The following NIPA2 variants were observed in gnomAD, a reference collection of about 807,000 sequenced individuals.
NIPA2 encodes the protein magnesium transporter NIPA2.
NIPA2 carries 11 observed loss-of-function variants against 29.7 expected under a neutral mutation model. The ratio of observed to expected loss-of-function variants is 0.37; its 90% confidence interval spans 0.23 to 0.61. The LOEUF is 0.61. Ranked by LOEUF, NIPA2 falls within the 20% of genes least tolerant of loss-of-function variation. The probability of loss-of-function intolerance (pLI) is 0.66; values close to 1 mark genes in which losing one functional copy is unlikely to be tolerated. For synonymous variants in NIPA2, 183 were observed against 161.9 expected (o/e 1.13, Z -0.99); for missense variants, 426 against 437.9 (o/e 0.97, Z 0.24).
intron 7 of NIPA2, among the ~76,000 whole-genome samples, chr15:22,862,560 GTTT>G (rs1283829259): frequency 6.6e-6 from 1 of 151,958 alleles, no homozygotes; most frequent in Non-Finnish European, 1.5e-5. Context: ...GCCCTTCTGA[GTTT>G]TTATTTCTGC....
chr15:22,843,958 A>G (rs951964638), intron 2 of NIPA2, among the ~76,000 whole-genome samples: 6 of 152,206 alleles, frequency 3.9e-5, no homozygotes, highest in Non-Finnish European at 7.4e-5. Flanking sequence ...CGGCCTCCCA[A>G]GGTGCTGGGG....
intron 7 of NIPA2, among the ~76,000 whole-genome samples, chr15:22,864,257 C>G (rs2058818745): frequency 6.6e-6 from 1 of 151,996 alleles, no homozygotes; most frequent in South Asian, 2.1e-4. Context: ...CGGGTTCACG[C>G]CATTCTCCTG....
chr15:22,863,348 G>A (rs1300633558), intron 7 of NIPA2, among the ~76,000 whole-genome samples: 1 of 151,900 alleles, frequency 6.6e-6, no homozygotes, highest in African/African-American at 2.4e-5. Flanking sequence ...CCTCCCAAAG[G>A]GCTGGGATTA....
Position 22,846,818 on chromosome 15 carries a change from A to AATTAATAATAAT in NIPA2, c.-94+1552_-94+1553insTTAATAATAATA, listed in dbSNP as rs34966379. Among the ~76,000 whole-genome samples, 589 of 135,824 alleles carry AATTAATAATAAT rather than the reference A, an allele frequency of 4.3e-3. 6 individuals are homozygous for AATTAATAATAAT. Among genetic ancestry groups the AATTAATAATAAT allele is most frequent in the Non-Finnish European group, 6.1e-3 (392 of 64,214 alleles). The allele number at this position is 135,824 out of a possible 152,430, so 89.1% of individuals were successfully genotyped here. ...GTGACAGAATGAGACCCTGTCTCCA[A>AATTAATAATAAT]AATAATAATAATAATAATAATAATT... is the stretch of plus-strand genomic sequence containing the variant. On this transcript the variant is annotated intron_variant, in intron 3 of 7. Coordinates refer to ENST00000337451, the MANE Select transcript of NIPA2 (RefSeq NM_030922.7).
Position 22,852,468 on chromosome 15 carries a change from A to T in NIPA2, c.139+598A>T, listed in dbSNP as rs190717219. On this transcript the variant is annotated intron_variant, in intron 4 of 7. Transcript: ENST00000337451. ...TGGGTGACAGAGTGAGACTCCGTCT[A>T]AAAAAAAAAAAAAGCCATGGTTAAA... is the stretch of plus-strand genomic sequence containing the variant. 1.7e-3 allele frequency among the ~76,000 whole-genome samples: 150 copies of T among 90,568 alleles called. 1 individual carries two copies. Among genetic ancestry groups the T allele is most frequent in the African/African-American group, 6.7e-3 (127 of 19,024 alleles). 59.4% of individuals were successfully genotyped at this position (90,568 alleles called of 152,430 possible). A position where few individuals can be genotyped will look rare whatever the true frequency, so the allele number is the denominator to read the frequency against.
At chr15:22,859,709 G>C (rs958372236) in intron 6 of NIPA2, among the ~76,000 whole-genome samples, 4 of 152,034 alleles carry the variant, frequency 2.6e-5, no homozygotes, top group East Asian at 1.9e-4. Context: ...TTGATGTCTG[G>C]ATCTTGGTTA....
intron 7 of NIPA2, among the ~76,000 whole-genome samples, chr15:22,864,842 C>G (rs958199200): frequency 6.8e-6 from 1 of 148,004 alleles, no homozygotes; most frequent in Admixed American, 6.6e-5. Flanking sequence ...TGCTTTCTGA[C>G]TTACGAAGGA....
At position 22,867,446 on chromosome 15, in the gene NIPA2, C is replaced by T. The variant is rs988748643; in HGVS notation, c.*599C>T. On this transcript the variant is annotated 3_prime_UTR_variant, in exon 8 of 8. Coordinates refer to ENST00000337451, the MANE Select transcript of NIPA2 (RefSeq NM_030922.7). ...CGATTTCTCAGGTTGAGATGATCAC[C>T]GTGAATCCGGCTTCCTCTGAGCATT... 3.1e-5 allele frequency: 11 copies of T among 353,488 alleles called. No individual in the cohort carries two copies. The highest frequency in any genetic ancestry group is 8.4e-5 in the African/African-American group (4 of 47,618). 21.9% of individuals were successfully genotyped at this position (353,488 alleles called of 1,614,324 possible).
chr15:22,841,425 C>T (rs76093793), intron 2 of NIPA2, among the ~76,000 whole-genome samples: 3,968 of 152,266 alleles, frequency 0.026, 159 homozygotes, highest in African/African-American at 0.091. Context: ...AAATTATGAT[C>T]TGGCCAAATA....
At chr15:22,851,984 G>A in intron 4 of NIPA2, 114 bp downstream of exon 4, 1 of 858,644 alleles carries the variant, frequency 1.2e-6, no homozygotes, top group Non-Finnish European at 1.8e-6. Context: ...ACTTTGAATT[G>A]TTCAAGAGTT....
intron 5 of NIPA2, among the ~76,000 whole-genome samples, chr15:22,854,204 T>C (rs1481881727): frequency 6.6e-6 from 1 of 151,788 alleles, no homozygotes; most frequent in Non-Finnish European, 1.5e-5. Context: ...CTTGGCTCAC[T>C]GCAACCTCTG....
Position 22,866,575 on chromosome 15 carries a change from T to C in NIPA2, c.811T>C (p.Trp271Arg), listed in dbSNP as rs750718738. The C allele has an allele frequency of 6.2e-7, 1 of 1,614,160 alleles. No homozygotes were observed. Residue 271 changes from tryptophan to arginine, a missense_variant, in exon 8 of 8, where the codon TGG (tryptophan) becomes CGG (arginine). Coordinates refer to ENST00000337451, the MANE Select transcript of NIPA2 (RefSeq NM_030922.7). ...LTCSAILFKE[W>R]QDMPVDDVIG... ...TTGTTCAGCTATTCTTTTTAAGGAG[T>C]GGCAAGATATGCCTGTTGACGATGT... is the stretch of plus-strand genomic sequence containing the variant.
rs2057764939 is a variant in NIPA2, at chr15:22,851,834, C to G, written c.103C>G (p.Leu35Val). ...GGSFILKKKGLLRLARKGSMR... is the reference protein window; with the variant it reads ...GGSFILKKKGVLRLARKGSMR... ...AAGTTTCATTTTGAAAAAAAAGGGC[C>G]TCCTTCGACTTGCCAGGAAAGGCTC... The change falls in exon 4 of 8, where the codon CTC becomes GTC. Residue 35 changes from leucine (L) to valine (V), a missense_variant. By Grantham distance (32) the Leu-to-Val change is conservative. Around this residue, in one of 3 missense-constraint regions of NIPA2, gnomAD observed 57 missense variants for 66.6 expected, o/e 0.86. Coordinates refer to ENST00000337451, the MANE Select transcript of NIPA2 (RefSeq NM_030922.7). The G allele has an allele frequency of 6.2e-7, 1 of 1,613,662 alleles. No homozygotes were observed. The highest frequency in any genetic ancestry group is 8.5e-7 in the Non-Finnish European group (1 of 1,179,854).
At chr15:22,852,480 A>AT (rs978335522) in intron 4 of NIPA2, among the ~76,000 whole-genome samples, 1 of 151,928 alleles carries the variant, frequency 6.6e-6, no homozygotes, top group Non-Finnish European at 1.5e-5. Context: ...AAAAAAAAAA[A>AT]AGCCATGGTT....
chr15:22,843,286 C>A, intron 2 of NIPA2, among the ~76,000 whole-genome samples: 1 of 151,992 alleles, frequency 6.6e-6, no homozygotes, highest in East Asian at 1.9e-4. Context: ...TGTTGGATCA[C>A]GAGGTCAGGA....
rs771098739 is a variant in NIPA2, at chr15:22,868,123, G to T, written c.*1276G>T. On this transcript the variant is annotated 3_prime_UTR_variant, in exon 8 of 8. Transcript: ENST00000337451. The stretch of plus-strand genomic sequence containing the variant: ...AGGGCCTCCCCTGCCAATGGTGCTG[G>T]TATCCCATGCAGCTCACCACTGGCT... 6.6e-6 allele frequency: 1 copy of T among 152,262 alleles called. No individual in the cohort carries two copies. Among genetic ancestry groups the T allele is most frequent in the African/African-American group, 2.4e-5 (1 of 41,456 alleles). The allele number at this position is 152,262 out of a possible 1,614,324, so 9.4% of individuals were successfully genotyped here.
chr15:22,848,274 T>C (rs1398566056), intron 3 of NIPA2, among the ~76,000 whole-genome samples: 1 of 152,116 alleles, frequency 6.6e-6, no homozygotes, highest in African/African-American at 2.4e-5. Flanking sequence ...CATCTAGTAC[T>C]GCCACTTGCT....
intron 7 of NIPA2, among the ~76,000 whole-genome samples, chr15:22,862,049 C>CTATTTTTT (rs1555387456): frequency 9.6e-6 from 1 of 103,950 alleles, no homozygotes. Context: ...ATGGGTCTCT[C>CTATTTTTT]TTTTTTTTTT....
intron 2 of NIPA2, among the ~76,000 whole-genome samples, chr15:22,844,483 G>A (rs144176999): frequency 0.017 from 2,525 of 152,194 alleles, 36 homozygotes; most frequent in Middle Eastern, 0.024. Context: ...GAACCCGGGA[G>A]ACGGAGGTTG....
Sources: allele counts gnomAD v4.1 joint callset (sites outside exome capture counted in the v4.1 genomes callset), GRCh38; gene constraint gnomAD v4.1.1; regional missense constraint gnomAD v4.1.1; transcripts MANE v1.5; gene names NCBI Gene and HGNC (gene_info 2026-07-23, HGNC 2026-07-21).